PELI2: variants seen among roughly 807,000 people sequenced by gnomAD.
PELI2 encodes the protein pellino E3 ubiquitin protein ligase family member 2.
Under a neutral mutation model 42.3 loss-of-function variants are expected in PELI2, and 23 were observed. The ratio of observed to expected loss-of-function variants is 0.54; its 90% CI spans 0.39 to 0.77. PELI2 has a LOEUF of 0.77. Ranked by LOEUF, PELI2 falls within the 30% of genes least tolerant of loss-of-function variation. The pLI, the probability that PELI2 is intolerant of heterozygous loss-of-function variation, is 0.00. For synonymous variants in PELI2, 245 were observed against 212.2 expected (o/e 1.15, Z -1.34); for missense variants, 463 against 553.2 (o/e 0.84, Z 1.64).
chr14:56,212,035 A>G (rs947231358), intron 2 of PELI2, among the ~76,000 whole-genome samples: 29 of 152,236 alleles, frequency 1.9e-4, no homozygotes, highest in African/African-American at 7.0e-4. Flanking sequence ...TGCTGGGAAT[A>G]GTCCTGGTGG....
At chr14:56,256,982 G>A (rs985892241) in intron 2 of PELI2, among the ~76,000 whole-genome samples, 2 of 152,086 alleles carry the variant, frequency 1.3e-5, no homozygotes, top group African/African-American at 2.4e-5. Context: ...AAACATTGAA[G>A]TTTATACTGT....
chr14:56,289,319 C>T (rs1889749500), intron 4 of PELI2, among the ~76,000 whole-genome samples: 1 of 152,150 alleles, frequency 6.6e-6, no homozygotes, highest in East Asian at 1.9e-4. Context: ...TTGCCTTCTG[C>T]CTCCCGTGGT....
intron 2 of PELI2, among the ~76,000 whole-genome samples, chr14:56,181,266 TTC>T (rs1885568241): frequency 6.6e-6 from 1 of 151,796 alleles, no homozygotes; most frequent in Non-Finnish European, 1.5e-5. Flanking sequence ...CCACTCCAGA[TTC>T]TCTTTCTCTG....
At chr14:56,139,415 T>C (rs888335611) in intron 1 of PELI2, among the ~76,000 whole-genome samples, 2 of 152,178 alleles carry the variant, frequency 1.3e-5, no homozygotes, top group African/African-American at 4.8e-5. Context: ...TTGCTTATTT[T>C]CTAAGGAAAG....
chr14:56,194,498 A>G (rs1338599394), intron 2 of PELI2, among the ~76,000 whole-genome samples: 1 of 152,216 alleles, frequency 6.6e-6, no homozygotes, highest in African/African-American at 2.4e-5. Context: ...TTTGCAGTGG[A>G]CATTTGTGAA....
intron 2 of PELI2, among the ~76,000 whole-genome samples, chr14:56,234,594 C>T (rs1376963016): frequency 6.6e-6 from 1 of 151,898 alleles, no homozygotes; most frequent in African/African-American, 2.4e-5. Flanking sequence ...CACACCAGGG[C>T]CTGTGGTGGG....
intron 1 of PELI2, among the ~76,000 whole-genome samples, chr14:56,177,474 G>T (rs578084702): frequency 6.6e-6 from 1 of 152,032 alleles, no homozygotes; most frequent in Non-Finnish European, 1.5e-5. Context: ...AAGAACTTCC[G>T]CCAAGGTGGA....
intron 2 of PELI2, among the ~76,000 whole-genome samples, chr14:56,215,514 A>G (rs1886877246): frequency 6.6e-6 from 1 of 152,228 alleles, no homozygotes; most frequent in African/African-American, 2.4e-5. Context: ...AGCTTTTTCA[A>G]AACATCATTA....
intron 2 of PELI2, among the ~76,000 whole-genome samples, chr14:56,229,934 C>T (rs184495415): frequency 3.9e-5 from 6 of 152,104 alleles, no homozygotes; most frequent in African/African-American, 7.2e-5. Flanking sequence ...AACCATGGCA[C>T]GAGAACTGCG....
chr14:56,290,100 G>A (rs1488798915), intron 4 of PELI2, among the ~76,000 whole-genome samples, 168 bp from the exon 5 acceptor site: 1 of 152,152 alleles, frequency 6.6e-6, no homozygotes, highest in African/African-American at 2.4e-5. Flanking sequence ...TTATATTGTC[G>A]AAAGGATGGC....
intron 1 of PELI2, among the ~76,000 whole-genome samples, chr14:56,135,342 T>G (rs945099908): frequency 2.9e-4 from 44 of 152,352 alleles, no homozygotes; most frequent in Non-Finnish European, 5.6e-4. Flanking sequence ...TGGATTATAA[T>G]AAGAGACTGT....
chr14:56,289,754 T>A (rs1889766777), intron 4 of PELI2, among the ~76,000 whole-genome samples: 1 of 152,214 alleles, frequency 6.6e-6, no homozygotes, highest in Non-Finnish European at 1.5e-5. Context: ...TTTGAGAATT[T>A]AAACGGTGAT....
intron 2 of PELI2, among the ~76,000 whole-genome samples, chr14:56,183,953 C>T (rs1157687171): frequency 1.3e-5 from 2 of 152,080 alleles, no homozygotes; most frequent in Non-Finnish European, 2.9e-5. Flanking sequence ...GATGCTGTCT[C>T]ACTTATATTT....
chr14:56,160,624 A>G (rs1884726349), intron 1 of PELI2, among the ~76,000 whole-genome samples: 2 of 152,354 alleles, frequency 1.3e-5, no homozygotes, highest in East Asian at 1.9e-4. Flanking sequence ...CTCAATTGCT[A>G]TAAAGATTTG....
In PELI2 at chr14:56,130,543, T is replaced by C. The variant is rs1883448554; in HGVS notation, c.77+11806T>C. Among the ~76,000 whole-genome samples the C allele has an allele frequency of 2.6e-5, 4 of 152,188 alleles. No homozygotes were observed. In the South Asian group the frequency reaches 6.2e-4, roughly 24 times the overall value. On this transcript the variant is annotated intron_variant, in intron 1 of 5. Coordinates refer to ENST00000267460, the MANE Select transcript of PELI2 (RefSeq NM_021255.3). Reference sequence around the variant, plus strand: ...CAAAGAAGTTACCAGTAAGGTGAAATGTTTTTTCCTTGGGTTTACAACTTA... The same window carrying C: ...CAAAGAAGTTACCAGTAAGGTGAAACGTTTTTTCCTTGGGTTTACAACTTA...
At chr14:56,263,964 A>C (rs1888812967) in intron 2 of PELI2, among the ~76,000 whole-genome samples, 1 of 152,228 alleles carries the variant, frequency 6.6e-6, no homozygotes, top group South Asian at 2.1e-4. Flanking sequence ...AGCATAAAAA[A>C]TGTAAAACAC....
chr14:56,162,826 CATT>C (rs1884813830), intron 1 of PELI2, among the ~76,000 whole-genome samples: 1 of 152,160 alleles, frequency 6.6e-6, no homozygotes, highest in South Asian at 2.1e-4. Flanking sequence ...AATGATATCT[CATT>C]GTAGTTTTTA....
chr14:56,170,625 A>G (rs1885130914), intron 1 of PELI2, among the ~76,000 whole-genome samples: 1 of 152,208 alleles, frequency 6.6e-6, no homozygotes, highest in African/African-American at 2.4e-5. Flanking sequence ...ACTAGGAGTA[A>G]TAATGTCTCC....
chr14:56,256,061 C>CT (rs1369946654), intron 2 of PELI2, among the ~76,000 whole-genome samples: 6 of 152,132 alleles, frequency 3.9e-5, no homozygotes, highest in Admixed American at 1.3e-4. Context: ...TACTATCTGT[C>CT]TAAGTAATTT....
Sources: allele counts gnomAD v4.1 joint callset (sites outside exome capture counted in the v4.1 genomes callset), GRCh38; gene constraint gnomAD v4.1.1; transcripts MANE v1.5; gene names NCBI Gene and HGNC (gene_info 2026-07-23, HGNC 2026-07-21).